The following KLF12 variants were observed in gnomAD, a reference collection of about 807,000 sequenced individuals.
KLF12 encodes the protein KLF transcription factor 12, also known as Krueppel-like factor 12.
In KLF12, 9 loss-of-function variants were observed where a neutral mutation model predicts 37.8. That is an observed-to-expected ratio of 0.24 (90% CI 0.14 to 0.42). The LOEUF is 0.42. Among genes scored for constraint, KLF12 ranks in the 10% least tolerant of loss-of-function variants. The pLI, the probability that KLF12 is intolerant of heterozygous loss-of-function variation, is 1.00. For synonymous variants in KLF12, 208 were observed against 202.1 expected (o/e 1.03, Z -0.25); for missense variants, 411 against 516.0 (o/e 0.80, Z 1.97).
At chr13:73,950,371 C>T (rs1890599187) in intron 2 of KLF12, among the ~76,000 whole-genome samples, 1 of 152,174 alleles carries the variant, frequency 6.6e-6, no homozygotes, top group South Asian at 2.1e-4. Context: ...ACAACAGATG[C>T]ATGCCTACTT....
At chr13:74,005,834 G>T (rs576604383) in intron 1 of KLF12, among the ~76,000 whole-genome samples, 65 of 152,260 alleles carry the variant, frequency 4.3e-4, no homozygotes, top group African/African-American at 1.5e-3. Context: ...CTATAATGGT[G>T]TTATTGTATT....
intron 4 of KLF12, among the ~76,000 whole-genome samples, chr13:73,841,221 T>A (rs1489446316): frequency 6.6e-6 from 1 of 152,150 alleles, no homozygotes; most frequent in Non-Finnish European, 1.5e-5. Flanking sequence ...AGGAGAATCC[T>A]AAACGCGCCT....
intron 1 of KLF12, among the ~76,000 whole-genome samples, chr13:74,006,773 C>T (rs1187545098): frequency 2.0e-5 from 3 of 152,184 alleles, no homozygotes; most frequent in African/African-American, 7.2e-5. Context: ...AAAAATCCAT[C>T]CTTCTCTCCA....
At chr13:74,271,968 T>A in the KLF12 span, among the ~76,000 whole-genome samples, 1 of 152,218 alleles carries the variant, frequency 6.6e-6, no homozygotes, top group Admixed American at 6.5e-5. Context: ...ACTCCTTCAG[T>A]GACTTGTATT....
the KLF12 span, among the ~76,000 whole-genome samples, chr13:74,260,267 T>C: frequency 6.6e-6 from 1 of 151,660 alleles, no homozygotes; most frequent in Non-Finnish European, 1.5e-5. Flanking sequence ...TCAAATAGAG[T>C]AAATCGGGCA....
chr13:74,158,938 TA>T, the KLF12 span, among the ~76,000 whole-genome samples: 2 of 152,168 alleles, frequency 1.3e-5, no homozygotes, highest in African/African-American at 4.8e-5. Context: ...TTTTTAAAGT[TA>T]AAAGAGCTCC....
chr13:74,277,194 A>G, the KLF12 span, among the ~76,000 whole-genome samples: 3 of 152,314 alleles, frequency 2.0e-5, no homozygotes. Context: ...TGCCATCTGC[A>G]GTGTAGCTAT....
At chr13:74,186,806 T>C in the KLF12 span, among the ~76,000 whole-genome samples, 6,818 of 152,288 alleles carry the variant, frequency 0.045, 480 homozygotes, top group African/African-American at 0.15. Context: ...GACACTATAT[T>C]GCATATACTT....
intron 3 of KLF12, among the ~76,000 whole-genome samples, chr13:73,865,564 C>T (rs1427633056): frequency 2.0e-5 from 3 of 152,092 alleles, no homozygotes; most frequent in Non-Finnish European, 2.9e-5. Flanking sequence ...ATAATCACAA[C>T]GTCTGCTATT....
intron 2 of KLF12, among the ~76,000 whole-genome samples, chr13:73,953,970 CTTTTTTTTTTTTTTTTTTTTTT>C (rs67945624): frequency 2.3e-4 from 20 of 88,534 alleles, no homozygotes; most frequent in African/African-American, 8.8e-4. Flanking sequence ...TTTTTTCTTT[CTTTTTTTTTTTTTTTTTTTTTT>C]TTTTGAGACG....
chr13:74,086,223 C>G (rs1875286842), intron 1 of KLF12, among the ~76,000 whole-genome samples: 2 of 150,330 alleles, frequency 1.3e-5, no homozygotes, highest in South Asian at 2.1e-4. Flanking sequence ...CACCCATTAA[C>G]TCGTCATTTA....
upstream of KLF12, among the ~76,000 whole-genome samples, chr13:74,137,340 A>G (rs1178004196): frequency 6.6e-6 from 1 of 152,252 alleles, no homozygotes; most frequent in East Asian, 1.9e-4. Context: ...GTCGAATCCA[A>G]TACTATGTGG....
intron 1 of KLF12, among the ~76,000 whole-genome samples, chr13:74,085,778 G>A (rs1375044692): frequency 6.6e-6 from 1 of 152,126 alleles, no homozygotes; most frequent in Admixed American, 6.5e-5. Flanking sequence ...TTAAGCCCAG[G>A]ACTCTGCATT....
intron 5 of KLF12, among the ~76,000 whole-genome samples, chr13:73,812,627 A>C (rs372096887): frequency 2.0e-5 from 3 of 152,134 alleles, no homozygotes; most frequent in African/African-American, 7.2e-5. Context: ...AGCTATTTTC[A>C]ATAAACGAGG....
Position 74,092,667 on chromosome 13 carries a change from AAGAC to A in KLF12, c.-32+41068_-32+41071del, listed in dbSNP as rs547965693. On this transcript the variant is annotated intron_variant, in intron 1 of 7. Coordinates refer to ENST00000377669, the MANE Select transcript of KLF12 (RefSeq NM_007249.5). ...AAAAAAAAGAAAAAAGAAAAAGAAAAAGACAGCCTATAAAATCGGAAAGAATATT... is the reference window on the plus strand; with the variant it reads ...AAAAAAAAGAAAAAAGAAAAAGAAAAAGCCTATAAAATCGGAAAGAATATT... Among the ~76,000 whole-genome samples, 387 of 152,150 alleles carry A rather than the reference AAGAC, an allele frequency of 2.5e-3. 1 individual carries two copies. Among genetic ancestry groups the A allele is most frequent in the African/African-American group, 8.8e-3 (366 of 41,550 alleles).
the KLF12 span, among the ~76,000 whole-genome samples, chr13:74,168,361 C>A: frequency 1.3e-5 from 2 of 152,248 alleles, no homozygotes; most frequent in South Asian, 2.1e-4. Flanking sequence ...TCTTATCTCC[C>A]TCTCCATATT....
chr13:74,151,815 A>T, the KLF12 span, among the ~76,000 whole-genome samples: 2 of 152,218 alleles, frequency 1.3e-5, no homozygotes, highest in African/African-American at 4.8e-5. Context: ...TGAAGACATT[A>T]CGGTAATGAC....
intron 1 of KLF12, among the ~76,000 whole-genome samples, chr13:74,098,701 A>ATT (rs1274112651): frequency 6.6e-6 from 1 of 152,246 alleles, no homozygotes; most frequent in Non-Finnish European, 1.5e-5. Flanking sequence ...ATACGACAAG[A>ATT]AAGAACCATT....
chr13:73,821,208 ATTCTT>A (rs143670626), intron 4 of KLF12, among the ~76,000 whole-genome samples: 4,459 of 152,208 alleles, frequency 0.029, 97 homozygotes, highest in Non-Finnish European at 0.044. Flanking sequence ...TTCGCTACCT[ATTCTT>A]TTCTGTCTGC....
Sources: allele counts gnomAD v4.1 joint callset (sites outside exome capture counted in the v4.1 genomes callset), GRCh38; gene constraint gnomAD v4.1.1; transcripts MANE v1.5; gene names NCBI Gene and HGNC (gene_info 2026-07-23, HGNC 2026-07-21).